The following RAB27A variants were observed in gnomAD, a reference collection of about 807,000 sequenced individuals.
RAB27A encodes the protein ras-related protein Rab-27A.
In RAB27A, 17 loss-of-function variants were observed where a neutral mutation model predicts 20.8. The observed-to-expected ratio is 0.82, with a 90% CI of 0.56 to 1.23. The LOEUF is 1.23. Ranked by LOEUF, RAB27A falls within the 50% of genes most tolerant of loss-of-function variation. The pLI, the probability that RAB27A is intolerant of heterozygous loss-of-function variation, is 0.00. For synonymous variants in RAB27A, 85 were observed against 92.8 expected (o/e 0.92, Z 0.48); for missense variants, 277 against 266.7 (o/e 1.04, Z -0.27).
rs1895987493 is a variant in RAB27A at position 55,230,474 on chromosome 15, T to G, written c.166A>C (p.Ser56Arg). The G allele has an allele frequency of 6.2e-7, 1 of 1,613,440 alleles. No homozygotes were observed. The highest frequency in any genetic ancestry group is 1.7e-5 in the Admixed American group (1 of 59,984). The change falls in exon 4 of 7, where the codon AGT becomes CGT. Residue 56 changes from serine (S) to arginine (R), a missense_variant. Transcript: ENST00000336787. ...CTGCCAGTGGCTCCATCCGGCCCAC[T>G]GGCTCTGTACACCTAAAACAGCAAA... The part of the protein sequence containing the change: ...FREKRVVYRA[S>R]GPDGATGRGQ...
At chr15:55,231,244 T>C (rs1361837546) in intron 3 of RAB27A, among the ~76,000 whole-genome samples, 1 of 152,206 alleles carries the variant, frequency 6.6e-6, no homozygotes, top group Non-Finnish European at 1.5e-5. Flanking sequence ...GTTAGTTCCA[T>C]GACTTTGCTA....
chr15:55,275,274 A>C (rs1414681639), intron 1 of RAB27A, among the ~76,000 whole-genome samples: 1 of 151,418 alleles, frequency 6.6e-6, no homozygotes, highest in Non-Finnish European at 1.5e-5. Context: ...AAAAAAAGAC[A>C]AAAAAAAGTG....
chr15:55,294,043 T>C (rs1235687542), upstream of RAB27A, among the ~76,000 whole-genome samples: 3 of 152,132 alleles, frequency 2.0e-5, no homozygotes, highest in Non-Finnish European at 2.9e-5. Flanking sequence ...GAAAAGTGTA[T>C]GCTAAAATGC....
intron 6 of RAB27A, among the ~76,000 whole-genome samples, chr15:55,209,087 A>T (rs988824680): frequency 2.0e-5 from 3 of 152,228 alleles, no homozygotes; most frequent in African/African-American, 7.2e-5. Context: ...GTGTAAAGAT[A>T]AGTATACTTG....
chr15:55,227,457 G>A (rs147625156), intron 5 of RAB27A, among the ~76,000 whole-genome samples: 1,686 of 152,244 alleles, frequency 0.011, 40 homozygotes, highest in South Asian at 0.018. Flanking sequence ...ACTTAGCCAG[G>A]CATCTAGCGA....
intron 2 of RAB27A, among the ~76,000 whole-genome samples, chr15:55,260,194 A>C (rs1173067326): frequency 6.6e-6 from 1 of 152,272 alleles, no homozygotes. Flanking sequence ...GATGCTCAAT[A>C]TCATATGTTA....
intron 6 of RAB27A, among the ~76,000 whole-genome samples, chr15:55,211,795 C>T (rs1041267019): frequency 3.9e-5 from 6 of 152,038 alleles, no homozygotes; most frequent in African/African-American, 1.4e-4. Context: ...TATACAGGTC[C>T]TCATATACTA....
intron 2 of RAB27A, among the ~76,000 whole-genome samples, chr15:55,301,193 A>G (rs1363718022): frequency 6.6e-6 from 1 of 152,178 alleles, no homozygotes; most frequent in East Asian, 1.9e-4. Flanking sequence ...CCTGGGCTCA[A>G]GCGATTCTCC....
intron 6 of RAB27A, among the ~76,000 whole-genome samples, chr15:55,221,440 T>C (rs1039809791): frequency 1.8e-4 from 27 of 152,292 alleles, no homozygotes; most frequent in African/African-American, 6.3e-4. Context: ...TCCCTGTTTC[T>C]TTTCCACTAC....
rs557627206 is a variant in RAB27A, at chr15:55,261,351, C to T, written c.-23+8814G>A. Among the ~76,000 whole-genome samples the T allele has an allele frequency of 1.8e-4, 28 of 151,822 alleles. No individual in the cohort carries two copies. The South Asian group carries it at 5.4e-3, about 29-fold the overall frequency. ...AGCAGAGGTTTCAGTGAGCCATGATCGTGCCACTGCACTCCAGCCTGGGTG... is the reference window on the plus strand; with the variant it reads ...AGCAGAGGTTTCAGTGAGCCATGATTGTGCCACTGCACTCCAGCCTGGGTG... On this transcript the variant is annotated intron_variant, in intron 2 of 6. Transcript: ENST00000336787.
intron 2 of RAB27A, among the ~76,000 whole-genome samples, chr15:55,260,882 C>T (rs1047654787): frequency 6.6e-6 from 1 of 151,936 alleles, no homozygotes; most frequent in Non-Finnish European, 1.5e-5. Flanking sequence ...GTATACATAC[C>T]CATAGAATGT....
upstream of RAB27A, chr15:55,290,474 A>C (rs1898281389): frequency 6.6e-6 from 1 of 152,294 alleles, no homozygotes; most frequent in Non-Finnish European, 1.5e-5. Flanking sequence ...GGAAATGGCA[A>C]ACGGAGTCTC....
intron 6 of RAB27A, among the ~76,000 whole-genome samples, chr15:55,206,537 T>C (rs1894660534): frequency 6.6e-6 from 1 of 152,048 alleles, no homozygotes; most frequent in Admixed American, 6.6e-5. Context: ...GAGACAGGGT[T>C]TTACCATGTT....
At chr15:55,296,491 A>G (rs542453469) in intron 2 of RAB27A, among the ~76,000 whole-genome samples, 3 of 152,100 alleles carry the variant, frequency 2.0e-5, no homozygotes, top group African/African-American at 7.2e-5. Flanking sequence ...GCAATAGAGC[A>G]AGACTCCATC....
chr15:55,261,761 C>T (rs111618030), intron 2 of RAB27A, among the ~76,000 whole-genome samples: 124 of 142,626 alleles, frequency 8.7e-4, no homozygotes, highest in African/African-American at 3.2e-3. Flanking sequence ...GTTTTCGGGC[C>T]AGGCACAGTG....
At chr15:55,283,817 G>T (rs1270783117) in intron 1 of RAB27A, among the ~76,000 whole-genome samples, 3 of 152,130 alleles carry the variant, frequency 2.0e-5, no homozygotes, top group Non-Finnish European at 4.4e-5. Context: ...GGCTAGTACA[G>T]CAAGAACAAA....
Position 55,308,141 on chromosome 15 carries a change from C to T in RAB27A, c.-112+5898G>A, listed in dbSNP as rs745624286. Among the ~76,000 whole-genome samples, 4 of 152,210 alleles carry T rather than the reference C, an allele frequency of 2.6e-5. No individual in the cohort carries two copies. The South Asian group carries it at 6.2e-4, about 24-fold the overall frequency. ...ATTTCTAATGGAGGGTCCTGCCTTG[C>T]GGCTCTTTTGGCTTCAATATCCTCT... On this transcript the variant is annotated intron_variant, in intron 2 of 5. Coordinates refer to the RAB27A transcript ENST00000563262.
intron 1 of RAB27A, among the ~76,000 whole-genome samples, chr15:55,287,603 C>T (rs1467609592): frequency 1.3e-5 from 2 of 152,000 alleles, no homozygotes; most frequent in African/African-American, 4.8e-5. Context: ...TAAAATTAGC[C>T]AGGCATGGTG....
chr15:55,311,061 T>C (rs2055018384), intron 2 of RAB27A, among the ~76,000 whole-genome samples: 1 of 152,106 alleles, frequency 6.6e-6, no homozygotes, highest in Non-Finnish European at 1.5e-5. Flanking sequence ...GGGTCTACAC[T>C]GGGAACTGAC....
Sources: allele counts gnomAD v4.1 joint callset (sites outside exome capture counted in the v4.1 genomes callset), GRCh38; gene constraint gnomAD v4.1.1; transcripts MANE v1.5; gene names NCBI Gene and HGNC (gene_info 2026-07-23, HGNC 2026-07-21).